The following HTR1E variants were observed in gnomAD, a reference collection of about 807,000 sequenced individuals.
HTR1E encodes the protein 5-HT-1E.
Under a neutral mutation model 3.4 loss-of-function variants are expected in HTR1E, and 3 were observed. The observed-to-expected ratio is 0.89, with a 90% CI of 0.41 to 2.31. The LOEUF (loss-of-function observed/expected upper bound fraction) is 2.31. HTR1E is among the 30% of genes most tolerant of loss of function. The pLI is 0.05. For synonymous variants in HTR1E, 170 were observed against 182.8 expected, an observed-to-expected ratio of 0.93 and a Z score of 0.56; for missense variants, 392 against 467.0, an observed-to-expected ratio of 0.84 and a Z score of 1.48.
chr6:87,012,730 CGTT>C, intron 1 of HTR1E, among the ~76,000 whole-genome samples: 1 of 152,282 alleles, frequency 6.6e-6, no homozygotes, highest in African/African-American at 2.4e-5. Context: ...ATGTATTAGG[CGTT>C]GTTCTCAGCT....
At chr6:86,965,643 G>A (rs1767462002) in intron 1 of HTR1E, among the ~76,000 whole-genome samples, 1 of 151,908 alleles carries the variant, frequency 6.6e-6, no homozygotes, top group African/African-American at 2.4e-5. Context: ...AGTCCATCCA[G>A]GGGTCTACAT....
At position 87,016,672 on chromosome 6, in the gene HTR1E, C is replaced by G. The variant is rs1229684471; in HGVS notation, c.*240C>G. 5.9e-6 allele frequency: 2 copies of G among 341,166 alleles called. No individual in the cohort carries two copies. Among genetic ancestry groups the G allele is most frequent in the East Asian group, 4.7e-5 (1 of 21,386 alleles). 21.1% of individuals were successfully genotyped at this position (341,166 alleles called of 1,614,324 possible). On this transcript the variant is annotated 3_prime_UTR_variant, in exon 2 of 2. Coordinates refer to ENST00000305344, the MANE Select transcript of HTR1E (RefSeq NM_000865.3). ...ATAATTTCAAATAAACATTATCATA[C>G]AAAAACAGAAATTTTGTAGAAGTAA...
At chr6:86,996,191 T>A (rs903856782) in intron 1 of HTR1E, among the ~76,000 whole-genome samples, 8 of 152,272 alleles carry the variant, frequency 5.3e-5, no homozygotes, top group African/African-American at 1.4e-4. Flanking sequence ...GGCCCCATGA[T>A]AAACCTTATC....
chr6:86,943,673 C>G (rs1390359068), intron 1 of HTR1E, among the ~76,000 whole-genome samples: 1 of 152,212 alleles, frequency 6.6e-6, no homozygotes, highest in Admixed American at 6.5e-5. Flanking sequence ...AAGCCAGGTT[C>G]ATATCCCAGC....
intron 1 of HTR1E, among the ~76,000 whole-genome samples, chr6:86,995,552 G>A (rs985576946): frequency 6.7e-6 from 1 of 150,234 alleles, no homozygotes; most frequent in Admixed American, 6.6e-5. Flanking sequence ...TGTAATCCCA[G>A]CTACTCGGAA....
chr6:86,958,232 G>C (rs1045324445), intron 1 of HTR1E, among the ~76,000 whole-genome samples: 1 of 151,996 alleles, frequency 6.6e-6, no homozygotes, highest in South Asian at 2.1e-4. Context: ...CTAATTTTTT[G>C]TATTTTTAGT....
At chr6:87,010,700 A>G (rs1768215261) in intron 1 of HTR1E, among the ~76,000 whole-genome samples, 1 of 147,354 alleles carries the variant, frequency 6.8e-6, no homozygotes, top group Admixed American at 6.7e-5. Flanking sequence ...CACATCCCAG[A>G]CGATGGGCGG....
At chr6:86,946,817 A>G (rs1254734089) in intron 1 of HTR1E, among the ~76,000 whole-genome samples, 1 of 152,130 alleles carries the variant, frequency 6.6e-6, no homozygotes, top group African/African-American at 2.4e-5. Flanking sequence ...AAACTGAACC[A>G]TAATTAAAAT....
intron 1 of HTR1E, among the ~76,000 whole-genome samples, chr6:86,974,636 CTTGA>C (rs1307556364): frequency 6.6e-6 from 1 of 152,140 alleles, no homozygotes; most frequent in Non-Finnish European, 1.5e-5. Context: ...ACTTTGATTG[CTTGA>C]TTAAGATGAT....
chr6:86,965,425 A>G (rs1767459576), intron 1 of HTR1E, among the ~76,000 whole-genome samples: 1 of 152,098 alleles, frequency 6.6e-6, no homozygotes, highest in Non-Finnish European at 1.5e-5. Flanking sequence ...CGTTTTATTC[A>G]TCTGGGAAGT....
At chr6:87,009,705 T>A (rs1249088237) in intron 1 of HTR1E, among the ~76,000 whole-genome samples, 1 of 129,372 alleles carries the variant, frequency 7.7e-6, no homozygotes, top group African/African-American at 3.1e-5. Flanking sequence ...CCCCCCAACC[T>A]CCCTCCCGGA....
chr6:87,014,254 T>TATA (rs200002987), intron 1 of HTR1E, among the ~76,000 whole-genome samples: 12,966 of 143,740 alleles, frequency 0.09, 681 homozygotes, highest in Non-Finnish European at 0.11. Flanking sequence ...GAACTTAAAG[T>TATA]ATAATAATAA....
intron 1 of HTR1E, among the ~76,000 whole-genome samples, chr6:86,943,297 A>T (rs887408148): frequency 6.6e-5 from 10 of 152,098 alleles, no homozygotes; most frequent in Non-Finnish European, 1.5e-4. Flanking sequence ...CTCTCCAGAG[A>T]ACAAACTGAC....
intron 1 of HTR1E, among the ~76,000 whole-genome samples, chr6:87,008,386 C>A (rs566130993): frequency 6.6e-6 from 1 of 151,910 alleles, no homozygotes; most frequent in African/African-American, 2.4e-5. Flanking sequence ...AGTTGACATT[C>A]CTGAAATAAT....
In HTR1E at chr6:87,016,450, G is replaced by A. The variant is rs972913570; in HGVS notation, c.*18G>A. On this transcript the variant is annotated 3_prime_UTR_variant, in exon 2 of 2. Transcript: ENST00000305344. ...ATACTTAGACTGTAAAAAGCTAAAA[G>A]GCACGACTTTTTCCAGAGCCTCATG... 5.1e-6 allele frequency: 8 copies of A among 1,560,642 alleles called. No individual in the cohort carries two copies. The highest frequency in any genetic ancestry group is 1.2e-5 in the South Asian group (1 of 82,652).
Position 87,016,201 on chromosome 6 carries a change from A to T in HTR1E, c.867A>T (p.Ala289=), listed in dbSNP as rs749790737. 6.2e-7 allele frequency: 1 copy of T among 1,614,072 alleles called. No individual in the cohort carries two copies. The highest frequency in any genetic ancestry group is 8.5e-7 in the Non-Finnish European group (1 of 1,180,042). Residue 289 remains alanine, a synonymous_variant, in exon 2 of 2, where the codon GCA becomes GCT. Coordinates refer to ENST00000305344, the MANE Select transcript of HTR1E (RefSeq NM_000865.3). ...QQISSTRERK[A]ARILGLILGA... ...TCTCTAGCACCAGGGAACGGAAGGC[A>T]GCACGCATCCTGGGGCTGATTCTGG...
rs570574294 is a variant in HTR1E at position 86,943,516 on chromosome 6, T to A, written c.-186+5693T>A. Among the ~76,000 whole-genome samples the A allele has an allele frequency of 1.3e-5, 2 of 152,304 alleles. 1 individual carries two copies. The highest frequency in any genetic ancestry group is 4.8e-5 in the African/African-American group (2 of 41,572). On this transcript the variant is annotated intron_variant, in intron 1 of 1. Transcript: ENST00000305344. ...AATGGGGACAATAATACATGCCCTG[T>A]CTACCTCAGCCTCCTTTCAGGGAAG... is the stretch of plus-strand genomic sequence containing the variant.
At chr6:86,979,835 C>T (rs921343509) in intron 1 of HTR1E, among the ~76,000 whole-genome samples, 8 of 152,096 alleles carry the variant, frequency 5.3e-5, no homozygotes, top group Non-Finnish European at 1.2e-4. Flanking sequence ...AAGCCATTAC[C>T]GCTTCTATGC....
At chr6:86,980,393 AAAAAAAAG>A (rs1562066558) in intron 1 of HTR1E, among the ~76,000 whole-genome samples, 1 of 149,716 alleles carries the variant, frequency 6.7e-6, no homozygotes. Flanking sequence ...TCTCAAAAAA[AAAAAAAAG>A]AAAAAAAGAG....
Sources: gnomAD v4.1 joint callset for allele counts (sites outside exome capture counted in the v4.1 genomes callset) on GRCh38, gnomAD v4.1.1 for gene constraint, MANE v1.5 for transcripts, NCBI Gene and HGNC (gene_info 2026-07-23, HGNC 2026-07-21) for gene names.